The following PTPN13 variants were observed in gnomAD, a reference collection of about 807,000 sequenced individuals.
The protein encoded by PTPN13 is protein tyrosine phosphatase non-receptor type 13.
PTPN13 carries 191 observed loss-of-function variants against 284.0 expected under a neutral mutation model. The observed-to-expected ratio is 0.67, with a 90% CI of 0.60 to 0.76. The LOEUF is 0.76. Ranked by LOEUF, PTPN13 falls within the 30% of genes least tolerant of loss-of-function variation. The pLI, the probability that PTPN13 is intolerant of heterozygous loss-of-function variation, is 0.00. For synonymous variants in PTPN13, 986 were observed against 1,022.3 expected, an observed-to-expected ratio of 0.96 and a Z score of 0.68; for missense variants, 2,797 against 2,939.9, an observed-to-expected ratio of 0.95 and a Z score of 1.12.
At chr4:86,774,039 AT>A (rs34329004) in intron 32 of PTPN13, among the ~76,000 whole-genome samples, 1 of 152,082 alleles carries the variant, frequency 6.6e-6, no homozygotes, top group Non-Finnish European at 1.5e-5. Flanking sequence ...TCCAGAAAGT[AT>A]TTTTTGATCA....
chr4:86,809,495 C>T (rs1172269018), intron 45 of PTPN13, among the ~76,000 whole-genome samples: 2 of 152,034 alleles, frequency 1.3e-5, no homozygotes, highest in Admixed American at 6.5e-5. Flanking sequence ...GTCAGGAGTT[C>T]GAGAGCAGCC....
intron 6 of PTPN13, among the ~76,000 whole-genome samples, chr4:86,699,581 A>T (rs1269042944): frequency 1.4e-5 from 2 of 147,064 alleles, no homozygotes; most frequent in Admixed American, 6.7e-5. Context: ...CACTGTTAAC[A>T]TGTGGTGTTG....
chr4:86,719,754 GGCTGCATGTAT>G (rs1733442396), intron 9 of PTPN13, among the ~76,000 whole-genome samples: 1 of 152,038 alleles, frequency 6.6e-6, no homozygotes, highest in Admixed American at 6.6e-5. Flanking sequence ...AATGCTTGTA[GGCTGCATGTAT>G]ATCTTCTTTT....
At chr4:86,757,398 C>G (rs1231017087) in intron 20 of PTPN13, among the ~76,000 whole-genome samples, 6 of 152,046 alleles carry the variant, frequency 3.9e-5, no homozygotes, top group Non-Finnish European at 5.9e-5. Flanking sequence ...GATTGTTTCA[C>G]AAATAAAATT....
At chr4:86,595,828 G>A (rs1027487817) in intron 1 of PTPN13, 18 of 878,710 alleles carry the variant, frequency 2.0e-5, no homozygotes, top group Non-Finnish European at 2.5e-5. Context: ...TTTATATCTA[G>A]AAAGTTTACT....
chr4:86,663,441 C>T (rs532333292), intron 2 of PTPN13, among the ~76,000 whole-genome samples: 18 of 152,254 alleles, frequency 1.2e-4, no homozygotes, highest in Admixed American at 9.2e-4. Flanking sequence ...TTCTTCTTTG[C>T]GTCCCTGTGT....
rs765631296 is a variant in PTPN13 at position 86,686,743 on chromosome 4, T to C, written c.328T>C (p.Trp110Arg). ...HIYSLGMTLY[W>R]GADYEVPQSQ... is the part of the protein sequence containing the mutation. ...TTATTCTCTTGGAATGACACTGTAT[T>C]GGGGGGCTGATTATGAAGTGCCTCA... Residue 110 changes from tryptophan (W) to arginine (R), a missense_variant, in exon 4 of 48, where the codon TGG becomes CGG. By Grantham distance (101) the Trp-to-Arg change is moderately radical. Coordinates refer to ENST00000411767, the MANE Select transcript of PTPN13 (RefSeq NM_080683.3). 2 of 1,581,900 alleles carry C rather than the reference T, an allele frequency of 1.3e-6. No homozygotes were observed. The highest frequency in any genetic ancestry group is 1.7e-6 in the Non-Finnish European group (2 of 1,163,154).
chr4:86,672,629 T>C, intron 3 of PTPN13, 86 bp downstream of exon 3: 1 of 1,075,520 alleles, frequency 9.3e-7, no homozygotes, highest in Non-Finnish European at 1.3e-6. Flanking sequence ...TTCAACCCTC[T>C]GAAAAATCTA....
At chr4:86,798,373 C>T (rs1348278372) in intron 41 of PTPN13, among the ~76,000 whole-genome samples, 1 of 152,202 alleles carries the variant, frequency 6.6e-6, no homozygotes, top group East Asian at 1.9e-4. Context: ...AGCGTAATTG[C>T]TGCCCTGTTG....
chr4:86,775,460 G>A lies in PTPN13; in HGVS notation c.5699G>A (p.Gly1900Asp). The change falls in exon 35 of 48, where the codon GGT becomes GAT. Residue 1900 changes from glycine to aspartate, a missense_variant. Transcript: ENST00000411767. ...TTTCAAGGTTTTTCCTTATGTGGAG[G>A]TCATGACAGCCTTTATCAAGTGGTA... ...KEELGFSLCG[G>D]HDSLYQVVYI... 1 of 1,607,246 alleles carries A rather than the reference G, an allele frequency of 6.2e-7. No individual in the cohort carries two copies. Among genetic ancestry groups the A allele is most frequent in the South Asian group, 1.1e-5 (1 of 90,858 alleles).
chr4:86,812,687 G>T (rs1180952996), intron 47 of PTPN13, among the ~76,000 whole-genome samples: 2 of 152,110 alleles, frequency 1.3e-5, no homozygotes, highest in Non-Finnish European at 2.9e-5. Context: ...GGTCTTGAGT[G>T]TTCAGGTATG....
At chr4:86,618,362 A>T (rs1055099463) in intron 1 of PTPN13, among the ~76,000 whole-genome samples, 2 of 152,154 alleles carry the variant, frequency 1.3e-5, no homozygotes, top group African/African-American at 4.8e-5. Context: ...AGGTAGCGTG[A>T]TGCCTCCAGC....
At chr4:86,675,282 TG>T (rs1018558282) in intron 3 of PTPN13, among the ~76,000 whole-genome samples, 2 of 152,188 alleles carry the variant, frequency 1.3e-5, no homozygotes, top group South Asian at 2.1e-4. Context: ...GCTTACCTCA[TG>T]CCTCAAAATC....
chr4:86,609,276 G>C (rs1765058780), intron 1 of PTPN13, among the ~76,000 whole-genome samples: 1 of 152,154 alleles, frequency 6.6e-6, no homozygotes, highest in South Asian at 2.1e-4. Context: ...ATCCTCTGAA[G>C]AGGATGAGTT....
chr4:86,653,438 A>C (rs1725330312), intron 2 of PTPN13, among the ~76,000 whole-genome samples: 1 of 151,820 alleles, frequency 6.6e-6, no homozygotes, highest in African/African-American at 2.4e-5. Context: ...CTAAGCCTGC[A>C]ATTACTGCAG....
At chr4:86,656,307 G>A (rs115492233) in intron 2 of PTPN13, among the ~76,000 whole-genome samples, 637 of 152,290 alleles carry the variant, frequency 4.2e-3, no homozygotes, top group South Asian at 0.01. Flanking sequence ...CTTTGGAGTG[G>A]GAGAGGCCCT....
At chr4:86,748,762 T>C (rs1737062235) in intron 17 of PTPN13, among the ~76,000 whole-genome samples, 2 of 152,058 alleles carry the variant, frequency 1.3e-5, no homozygotes. Flanking sequence ...TTCACGCCAT[T>C]CTCCTGCCTC....
At chr4:86,807,486 C>A in intron 44 of PTPN13, 74 bp from the exon 45 acceptor site, 1 of 1,100,452 alleles carries the variant, frequency 9.1e-7, no homozygotes, top group Non-Finnish European at 1.3e-6. Context: ...TGATCTTTGA[C>A]TCATGCAATT....
intron 19 of PTPN13, among the ~76,000 whole-genome samples, chr4:86,752,550 T>A (rs10028550): frequency 0.081 from 12,405 of 152,248 alleles, 647 homozygotes; most frequent in Non-Finnish European, 0.11. Flanking sequence ...CGGGGCCTCA[T>A]ACATTCTAAA....
Sources: gnomAD v4.1 joint callset for allele counts (sites outside exome capture counted in the v4.1 genomes callset) on GRCh38, gnomAD v4.1.1 for gene constraint, MANE v1.5 for transcripts, NCBI Gene and HGNC (gene_info 2026-07-23, HGNC 2026-07-21) for gene names.